NCR3LG1: variants seen among roughly 807,000 people sequenced by gnomAD.
The protein encoded by NCR3LG1 is natural killer cell cytotoxicity receptor 3 ligand 1.
In NCR3LG1, 35 loss-of-function variants were observed where a neutral mutation model predicts 34.8. That is an observed-to-expected ratio of 1.01 (90% CI 0.77 to 1.33). The LOEUF (loss-of-function observed/expected upper bound fraction) is 1.33. Ranked by LOEUF, NCR3LG1 falls within the 40% of genes most tolerant of loss-of-function variation. NCR3LG1 has a pLI of 0.00. For missense variants in NCR3LG1, 452 were observed against 423.3 expected, an observed-to-expected ratio of 1.07 and a Z score of -0.60; for synonymous variants, 173 against 163.6, an observed-to-expected ratio of 1.06 and a Z score of -0.44.
chr11:17,362,688 CTTCCTTTCTTTCTTTCT>C lies in NCR3LG1; in HGVS notation c.422-4317_422-4301del, dbSNP rs1564856367. Among the ~76,000 whole-genome samples, 18 of 16,030 alleles carry C rather than the reference CTTCCTTTCTTTCTTTCT, an allele frequency of 1.1e-3. 5 individuals carry two copies. The African/African-American group carries it at 0.018, about 16-fold the overall frequency. 10.5% of individuals were successfully genotyped at this position (16,030 alleles called of 152,430 possible). A position where few individuals can be genotyped will look rare whatever the true frequency, so the allele number is the denominator to read the frequency against. On this transcript the variant is annotated intron_variant, in intron 2 of 4. Coordinates refer to ENST00000338965, the MANE Select transcript of NCR3LG1 (RefSeq NM_001202439.3). ...GACTCAGTGTCTCCTTCCTTCCTTC[CTTCCTTTCTTTCTTTCT>C]TTCTTTCTTTCTTTCTTTCTTTCTT... is the stretch of plus-strand genomic sequence containing the variant.
At position 17,356,918 on chromosome 11, in the gene NCR3LG1, A is replaced by C; in HGVS notation, c.338A>C (p.Gln113Pro). Residue 113 changes from glutamine (Q) to proline (P), a missense_variant, in exon 2 of 5, where the codon CAG becomes CCG. Gln to Pro is a moderately conservative substitution (Grantham distance 76, BLOSUM62 -1). Transcript: ENST00000338965. ...GDASLRLPGI[Q>P]LEEAGEYRCE... ...GCCTCACTGCGGCTGCCTGGAATCC[A>C]GCTGGAGGAAGCAGGAGAGTACCGA... 6.5e-7 allele frequency: 1 copy of C among 1,536,122 alleles called. No homozygotes were observed. The highest frequency in any genetic ancestry group is 8.7e-7 in the Non-Finnish European group (1 of 1,146,910).
chr11:17,364,818 T>C (rs2133355339), intron 2 of NCR3LG1, among the ~76,000 whole-genome samples: 1 of 152,304 alleles, frequency 6.6e-6, no homozygotes, highest in East Asian at 1.9e-4. Flanking sequence ...AGTGCTGGGA[T>C]TATAGGTATG....
intron 3 of NCR3LG1, among the ~76,000 whole-genome samples, chr11:17,368,211 T>A (rs904958117): frequency 6.6e-6 from 1 of 152,126 alleles, no homozygotes; most frequent in Admixed American, 6.5e-5. Flanking sequence ...GCACACTGGA[T>A]CCTTAAAACA....
downstream of NCR3LG1, among the ~76,000 whole-genome samples, chr11:17,379,154 C>T (rs1564862406): frequency 6.6e-6 from 1 of 152,132 alleles, no homozygotes; most frequent in African/African-American, 2.4e-5. Flanking sequence ...TCCAACCTCA[C>T]CTTTGGGGTC....
At chr11:17,354,168 T>G (rs1037857805) in intron 1 of NCR3LG1, among the ~76,000 whole-genome samples, 1 of 152,242 alleles carries the variant, frequency 6.6e-6, no homozygotes, top group Non-Finnish European at 1.5e-5. Context: ...CCTCCCTAGT[T>G]GGAGAGCTCT....
intron 2 of NCR3LG1, among the ~76,000 whole-genome samples, chr11:17,360,149 G>C (rs1260346755): frequency 6.6e-6 from 1 of 152,136 alleles, no homozygotes; most frequent in Non-Finnish European, 1.5e-5. Flanking sequence ...CAAATGATCT[G>C]CGTGTCTCGG....
In NCR3LG1 at chr11:17,356,984, T is replaced by C; in HGVS notation, c.404T>C (p.Val135Ala). Residue 135 changes from valine (V) to alanine (A), a missense_variant, in exon 2 of 5, where the codon GTC becomes GCC. Coordinates refer to ENST00000338965, the MANE Select transcript of NCR3LG1 (RefSeq NM_001202439.3). Reference protein sequence around the residue: ...VVTPLKAQGTVQLEVVASPAS... With the variant: ...VVTPLKAQGTAQLEVVASPAS... ...ACCCCTCTGAAGGCACAGGGAACAGTCCAGCTTGAAGTTGTGGGTGAGTGT... is the reference window on the plus strand; with the variant it reads ...ACCCCTCTGAAGGCACAGGGAACAGCCCAGCTTGAAGTTGTGGGTGAGTGT... The C allele has an allele frequency of 6.6e-7, 1 of 1,523,800 alleles. No individual in the cohort carries two copies. Among genetic ancestry groups the C allele is most frequent in the Non-Finnish European group, 8.8e-7 (1 of 1,139,386 alleles). 94.4% of individuals were successfully genotyped at this position (1,523,800 alleles called of 1,614,324 possible).
At position 17,367,139 on chromosome 11, in the gene NCR3LG1, T is replaced by G. The variant is rs1953353689; in HGVS notation, c.552T>G (p.Phe184Leu). The G allele has an allele frequency of 1.3e-6, 2 of 1,536,470 alleles. No individual in the cohort carries two copies. The highest frequency in any genetic ancestry group is 1.4e-5 in the African/African-American group (1 of 73,128). ...NITWEKQTQK[F>L]PHPIEISEDV... is the part of the protein sequence containing the mutation. ...CATGGGAGAAGCAGACCCAGAAGTT[T>G]CCCCATCCCATAGAGATTTCTGAGG... is the stretch of plus-strand genomic sequence containing the variant. The change falls in exon 3 of 5, where the codon TTT becomes TTG. Residue 184 changes from phenylalanine to leucine, a missense_variant. Coordinates refer to ENST00000338965, the MANE Select transcript of NCR3LG1 (RefSeq NM_001202439.3).
chr11:17,357,013 G>C lies in NCR3LG1; in HGVS notation c.421+12G>C. 1.3e-6 allele frequency: 2 copies of C among 1,486,728 alleles called. No homozygotes were observed. Among genetic ancestry groups the C allele is most frequent in the African/African-American group, 1.4e-5 (1 of 71,706 alleles). 92.1% of individuals were successfully genotyped at this position (1,486,728 alleles called of 1,614,324 possible). A position where few individuals can be genotyped will look rare whatever the true frequency, so the allele number is the denominator to read the frequency against. On this transcript the variant is annotated intron_variant, in intron 2 of 4. Transcript: ENST00000338965. Reference sequence around the variant, plus strand: ...GCTTGAAGTTGTGGGTGAGTGTCTCGGGGCAGTGCCCTACAGTTCCCATGG... The same window carrying C: ...GCTTGAAGTTGTGGGTGAGTGTCTCCGGGCAGTGCCCTACAGTTCCCATGG...
rs555842054 is a variant in NCR3LG1, at chr11:17,352,474, C to T, written c.70+435C>T. The stretch of plus-strand genomic sequence containing the variant: ...ACAGGCGTGAGCCCCCGCGCCCGGC[C>T]TGGGGGCTCTATTTTCAAGCGTCCC... On this transcript the variant is annotated intron_variant, in intron 1 of 4. Coordinates refer to ENST00000338965, the MANE Select transcript of NCR3LG1 (RefSeq NM_001202439.3). Among the ~76,000 whole-genome samples, 237 of 152,286 alleles carry T rather than the reference C, an allele frequency of 1.6e-3. 1 individual carries two copies. Among genetic ancestry groups the T allele is most frequent in the South Asian group, 3.5e-3 (17 of 4,828 alleles).
chr11:17,354,545 CTTTTTTTT>C lies in NCR3LG1; in HGVS notation c.71-2085_71-2078del, dbSNP rs71047545. Among the ~76,000 whole-genome samples the C allele has an allele frequency of 5.8e-3, 408 of 70,348 alleles. 5 individuals carry two copies. The highest frequency in any genetic ancestry group is 0.014 in the African/African-American group (359 of 26,058). 46.2% of individuals were successfully genotyped at this position (70,348 alleles called of 152,430 possible). On this transcript the variant is annotated intron_variant, in intron 1 of 4. Transcript: ENST00000338965. ...TCCCTCCGACCCCCCAATTCTTCTTCTTTTTTTTTTTTTTTTTTTTTTTTTTTTGGTAG... is the reference window on the plus strand; with the variant it reads ...TCCCTCCGACCCCCCAATTCTTCTTCTTTTTTTTTTTTTTTTTTTTGGTAG...
chr11:17,361,429 G>A (rs913986282), intron 2 of NCR3LG1, among the ~76,000 whole-genome samples: 1 of 151,614 alleles, frequency 6.6e-6, no homozygotes, highest in Non-Finnish European at 1.5e-5. Flanking sequence ...CTGGGATTAC[G>A]GGCATGCGCC....
downstream of NCR3LG1, chr11:17,381,390 C>T (rs969251685): frequency 2.0e-5 from 3 of 152,610 alleles, no homozygotes; most frequent in Non-Finnish European, 4.4e-5. Flanking sequence ...TTCCTGATGA[C>T]CCAGACAGCC....
chr11:17,353,405 TGAAACGCCTGTCACTGCGGTCTG>T (rs1274156857), intron 1 of NCR3LG1, among the ~76,000 whole-genome samples: 101 of 151,634 alleles, frequency 6.7e-4, no homozygotes, highest in African/African-American at 1.7e-3. Flanking sequence ...GCTGCGGACT[TGAAACGCCTGTCACTGCGGTCTG>T]GAAACGCCTG....
chr11:17,363,024 G>A (rs866548231), intron 2 of NCR3LG1, among the ~76,000 whole-genome samples: 6 of 149,034 alleles, frequency 4.0e-5, no homozygotes, highest in African/African-American at 1.5e-4. Flanking sequence ...GGGCACTAGC[G>A]ATACTCCCAC....
intron 3 of NCR3LG1, among the ~76,000 whole-genome samples, chr11:17,368,591 T>C (rs1564858479): frequency 6.6e-6 from 1 of 152,150 alleles, no homozygotes; most frequent in Non-Finnish European, 1.5e-5. Flanking sequence ...GGATAGAAGA[T>C]GGTGTCGTAT....
At chr11:17,352,428 G>C (rs1009520832) in intron 1 of NCR3LG1, among the ~76,000 whole-genome samples, 2 of 152,102 alleles carry the variant, frequency 1.3e-5, no homozygotes, top group African/African-American at 4.8e-5. Context: ...AGCCGCCTCG[G>C]CCTCCCAAAG....
Position 17,351,937 on chromosome 11 carries a change from G to A in NCR3LG1, c.-33G>A. 6.6e-7 allele frequency: 1 copy of A among 1,523,426 alleles called. No homozygotes were observed. The highest frequency in any genetic ancestry group is 1.2e-5 in the South Asian group (1 of 83,578). The allele number at this position is 1,523,426 out of a possible 1,614,324, so 94.4% of individuals were successfully genotyped here. A position where few individuals can be genotyped will look rare whatever the true frequency, so the allele number is the denominator to read the frequency against. On this transcript the variant is annotated 5_prime_UTR_variant, in exon 1 of 5. Coordinates refer to ENST00000338965, the MANE Select transcript of NCR3LG1 (RefSeq NM_001202439.3). ...TCTACCGGGCCGCCTGCTCCCACTC[G>A]GCGAAAAAAATTACACAACAGCAGC... is the stretch of plus-strand genomic sequence containing the variant.
In NCR3LG1 at chr11:17,356,723, G is replaced by A; in HGVS notation, c.143G>A (p.Cys48Tyr). 5 of 1,536,408 alleles carry A rather than the reference G, an allele frequency of 3.3e-6. No homozygotes were observed. The highest frequency in any genetic ancestry group is 4.4e-6 in the Non-Finnish European group (5 of 1,146,962). ...TPLNDNVTIF[C>Y]NIFYSQPLNI... ...CTGAATGACAATGTCACCATATTCT[G>A]CAATATCTTTTATTCCCAACCCCTC... is the stretch of plus-strand genomic sequence containing the variant. The change falls in exon 2 of 5, where the codon TGC becomes TAC. Residue 48 changes from cysteine (C) to tyrosine (Y), a missense_variant. Coordinates refer to ENST00000338965, the MANE Select transcript of NCR3LG1 (RefSeq NM_001202439.3).
Sources: gnomAD v4.1 joint callset for allele counts (sites outside exome capture counted in the v4.1 genomes callset) on GRCh38, gnomAD v4.1.1 for gene constraint, MANE v1.5 for transcripts, NCBI Gene and HGNC (gene_info 2026-07-23, HGNC 2026-07-21) for gene names.